The following ABCB5 variants were observed in gnomAD, a reference collection of about 807,000 sequenced individuals.
ABCB5 encodes the protein ATP-binding cassette sub-family B member 5.
Under a neutral mutation model 144.2 loss-of-function variants are expected in ABCB5, and 155 were observed. The ratio of observed to expected loss-of-function variants is 1.08; its 90% CI spans 0.94 to 1.23. ABCB5 has a LOEUF of 1.23. Ranked by LOEUF, ABCB5 falls within the 50% of genes most tolerant of loss-of-function variation. The probability of loss-of-function intolerance (pLI) is 0.00; values close to 1 mark genes in which losing one functional copy is unlikely to be tolerated. For missense variants in ABCB5, 1,830 were observed against 1,520.8 expected (o/e 1.20, Z -3.38); for synonymous variants, 610 against 528.6 (o/e 1.15, Z -2.11).
Position 20,742,957 on chromosome 7 carries a change from C to A in ABCB5, c.3105C>A (p.Gly1035=), listed in dbSNP as rs764240465. The A allele has an allele frequency of 1.2e-6, 2 of 1,614,166 alleles. No homozygotes were observed. The highest frequency in any genetic ancestry group is 1.7e-6 in the Non-Finnish European group (2 of 1,180,032). ...GCCCAGATGTTTTCATCCTCCGTGG[C>A]TTATCCCTCAGTATTGAGCGAGGAA... ...PCRPDVFILR[G]LSLSIERGKT... is the part of the protein sequence containing the mutation. The change falls in exon 25 of 28, where the codon GGC becomes GGA. Residue 1035 remains glycine (G), a synonymous_variant. Transcript: ENST00000404938.
intron 9 of ABCB5, 199 bp from the exon 10 acceptor site, chr7:20,647,336 T>C: frequency 7.5e-7 from 1 of 1,334,878 alleles, no homozygotes; most frequent in Non-Finnish European, 9.5e-7. Context: ...GATTAATCTG[T>C]GTTTCTATTG....
intron 26 of ABCB5, among the ~76,000 whole-genome samples, chr7:20,746,760 T>A (rs1782737678): frequency 6.6e-6 from 1 of 152,184 alleles, no homozygotes. Context: ...GTTTATAATA[T>A]CTGAGTGTTT....
Position 20,626,543 on chromosome 7 carries a change from C to T in ABCB5, c.54-14C>T. ...CACATTGTAACTGCTGCATTTTGAA[C>T]TTTTATTTTCCAGAACTGCAGAAGA... On this transcript the variant is annotated splice_polypyrimidine_tract_variant and intron_variant, in intron 2 of 27. Coordinates refer to ENST00000404938, the MANE Select transcript of ABCB5 (RefSeq NM_001163941.2). The T allele has an allele frequency of 1.3e-6, 2 of 1,599,690 alleles. No homozygotes were observed. The highest frequency in any genetic ancestry group is 8.5e-7 in the Non-Finnish European group (1 of 1,172,890).
chr7:20,708,644 C>T (rs879613444), intron 20 of ABCB5, among the ~76,000 whole-genome samples: 6 of 152,260 alleles, frequency 3.9e-5, no homozygotes, highest in East Asian at 1.9e-4. Flanking sequence ...AAGATGGTTA[C>T]GTTTACAAGA....
At chr7:20,668,662 C>G (rs1482868960) in intron 14 of ABCB5, among the ~76,000 whole-genome samples, 7 of 145,404 alleles carry the variant, frequency 4.8e-5, no homozygotes, top group Admixed American at 3.4e-4. Context: ...TGCCCGGCCG[C>G]CCCTACTGGG....
intron 14 of ABCB5, chr7:20,660,475 G>T (rs1784968343): frequency 1.1e-6 from 1 of 883,174 alleles, no homozygotes; most frequent in Non-Finnish European, 1.4e-6. Context: ...CAGTAAACTA[G>T]ATTAATCATA....
At chr7:20,741,639 T>C (rs1185310199) in intron 24 of ABCB5, among the ~76,000 whole-genome samples, 3 of 152,056 alleles carry the variant, frequency 2.0e-5, no homozygotes, top group Non-Finnish European at 4.4e-5. Flanking sequence ...GAAAATAATA[T>C]CATAAAATTT....
At chr7:20,617,442 A>G (rs1783713090) in intron 1 of ABCB5, among the ~76,000 whole-genome samples, 1 of 152,208 alleles carries the variant, frequency 6.6e-6, no homozygotes, top group South Asian at 2.1e-4. Context: ...AGATAAAAAC[A>G]ATATGTTGTC....
chr7:20,738,722 C>T (rs564390366), intron 23 of ABCB5, among the ~76,000 whole-genome samples: 14 of 152,258 alleles, frequency 9.2e-5, no homozygotes, highest in African/African-American at 2.9e-4. Flanking sequence ...CTAGTTGGGA[C>T]CTTTGATCTG....
intron 4 of ABCB5, among the ~76,000 whole-genome samples, chr7:20,629,921 A>C (rs560407393): frequency 1.4e-4 from 21 of 152,328 alleles, no homozygotes; most frequent in African/African-American, 5.1e-4. Context: ...AGAGAAGCAG[A>C]AAATTATACA....
In ABCB5 at chr7:20,727,453, G is replaced by A. The variant is rs568963061; in HGVS notation, c.2726+313G>A. Among the ~76,000 whole-genome samples the A allele has an allele frequency of 2.0e-5, 3 of 152,248 alleles. No homozygotes were observed. In the East Asian group the frequency reaches 5.8e-4, roughly 29 times the overall value. On this transcript the variant is annotated intron_variant, in intron 22 of 27. Coordinates refer to ENST00000404938, the MANE Select transcript of ABCB5 (RefSeq NM_001163941.2). The stretch of plus-strand genomic sequence containing the variant: ...ACGCAAGAAAGAAAATAAAATTGCG[G>A]GCAGGGCGCTGTGTCTCACACCTGT...
At chr7:20,726,887 C>G (rs986290083) in intron 21 of ABCB5, among the ~76,000 whole-genome samples, 153 bp from the exon 22 acceptor site, 1 of 152,108 alleles carries the variant, frequency 6.6e-6, no homozygotes, top group East Asian at 1.9e-4. Context: ...ATCTTATTTT[C>G]TGGGAGGAAA....
intron 16 of ABCB5, among the ~76,000 whole-genome samples, chr7:20,696,726 G>A (rs966275710): frequency 2.6e-5 from 4 of 151,758 alleles, no homozygotes; most frequent in South Asian, 4.1e-4. Context: ...TTATTTTAAC[G>A]CATGTACAAC....
chr7:20,616,633 G>C (rs931288042), intron 1 of ABCB5, among the ~76,000 whole-genome samples: 4 of 152,222 alleles, frequency 2.6e-5, no homozygotes, highest in African/African-American at 9.6e-5. Context: ...TTGGCTGACT[G>C]ATAGATTTTG....
At chr7:20,640,655 G>A (rs1294807743) in intron 5 of ABCB5, among the ~76,000 whole-genome samples, 1 of 152,158 alleles carries the variant, frequency 6.6e-6, no homozygotes, top group East Asian at 1.9e-4. Flanking sequence ...AGAAGGCAGA[G>A]TACGTGTGCA....
At chr7:20,653,407 A>G (rs556646882) in intron 13 of ABCB5, among the ~76,000 whole-genome samples, 4 of 152,362 alleles carry the variant, frequency 2.6e-5, no homozygotes, top group Admixed American at 1.3e-4. Flanking sequence ...GGGGAAAGCT[A>G]TTGTAAAAAA....
intron 16 of ABCB5, among the ~76,000 whole-genome samples, chr7:20,689,023 G>A (rs547729367): frequency 4.7e-4 from 71 of 152,122 alleles, no homozygotes; most frequent in South Asian, 2.5e-3. Flanking sequence ...GGTAAATGAC[G>A]AGTTAATGGG....
chr7:20,630,127 C>G (rs571371633), intron 4 of ABCB5, among the ~76,000 whole-genome samples: 2 of 152,144 alleles, frequency 1.3e-5, no homozygotes, highest in South Asian at 4.2e-4. Context: ...GATGTAATGA[C>G]TATGCAGTAT....
intron 7 of ABCB5, 142 bp downstream of exon 7, chr7:20,643,774 G>A: frequency 1.1e-6 from 1 of 917,150 alleles, no homozygotes; most frequent in Non-Finnish European, 1.6e-6. Flanking sequence ...AAATACTTTT[G>A]ATTTTGTTCA....
Sources: allele counts gnomAD v4.1 joint callset (sites outside exome capture counted in the v4.1 genomes callset), GRCh38; gene constraint gnomAD v4.1.1; transcripts MANE v1.5; gene names NCBI Gene and HGNC (gene_info 2026-07-23, HGNC 2026-07-21).